The following NLRP2 variants were observed in gnomAD, a reference collection of about 807,000 sequenced individuals.
The protein encoded by NLRP2 is NACHT, LRR and PYD domains-containing protein 2.
In NLRP2, 107 loss-of-function variants were observed where a neutral mutation model predicts 97.2. The observed-to-expected ratio is 1.10, with a 90% CI of 0.94 to 1.29. The LOEUF is 1.29. Ranked by LOEUF, NLRP2 falls within the 50% of genes most tolerant of loss-of-function variation. The pLI is 0.00. For missense variants in NLRP2, 1,495 were observed against 1,330.3 expected, an observed-to-expected ratio of 1.12 and a Z score of -1.93; for synonymous variants, 663 against 551.5, an observed-to-expected ratio of 1.20 and a Z score of -2.83.
chr19:54,970,371 C>T, intron 2 of NLRP2, 76 bp downstream of exon 2: 1 of 1,559,430 alleles, frequency 6.4e-7, no homozygotes, highest in Non-Finnish European at 8.8e-7. Flanking sequence ...ATTCAGAAGG[C>T]CAGGCGCGCT....
rs61212213 is a variant in NLRP2 at position 54,968,701 on chromosome 19, C to CTTTTTTTTTTTTTTTTTTTTTTTTT, written c.-17-1286_-17-1285insTTTTTTTTTTTTTTTTTTTTTTTTT. The stretch of plus-strand genomic sequence containing the variant: ...CTCCACCACTAAGTTATCTTTAAGC[C>CTTTTTTTTTTTTTTTTTTTTTTTTT]TTTTTTTTTTTTGAGACAGTTTCAC... On this transcript the variant is annotated intron_variant, in intron 1 of 12. Transcript: ENST00000448584. 1.1e-4 allele frequency among the ~76,000 whole-genome samples: 13 copies of CTTTTTTTTTTTTTTTTTTTTTTTTT among 114,338 alleles called. 2 individuals carry two copies. The highest frequency in any genetic ancestry group is 4.5e-4 in the African/African-American group (12 of 26,786). 75.0% of individuals were successfully genotyped at this position (114,338 alleles called of 152,430 possible).
intron 10 of NLRP2, 69 bp downstream of exon 10, chr19:54,990,741 A>G: frequency 6.5e-7 from 1 of 1,535,318 alleles, no homozygotes; most frequent in South Asian, 1.1e-5. Flanking sequence ...GGGTTTGAGT[A>G]GGGTGGTTAT....
intron 5 of NLRP2, among the ~76,000 whole-genome samples, chr19:54,981,958 A>G (rs1281757732): frequency 2.0e-5 from 3 of 151,884 alleles, no homozygotes; most frequent in African/African-American, 4.8e-5. Flanking sequence ...TTTTATTTTT[A>G]GTAGAGACAA....
At chr19:54,970,773 T>C (rs181108141) in intron 2 of NLRP2, among the ~76,000 whole-genome samples, 4,225 of 146,468 alleles carry the variant, frequency 0.029, 210 homozygotes, top group African/African-American at 0.099. Flanking sequence ...CCTACTTCTT[T>C]TTTTTTTTTT....
At chr19:54,984,467 G>GATATGT (rs2071908438) in intron 6 of NLRP2, among the ~76,000 whole-genome samples, 1 of 101,660 alleles carries the variant, frequency 9.8e-6, no homozygotes. Context: ...GATATGTATA[G>GATATGT]ATATGTATAT....
At chr19:54,984,677 T>G (rs935095357) in intron 6 of NLRP2, among the ~76,000 whole-genome samples, 4 of 151,118 alleles carry the variant, frequency 2.6e-5, no homozygotes, top group African/African-American at 9.8e-5. Flanking sequence ...GAGACGGGGT[T>G]TCACCATGTT....
At position 54,983,046 on chromosome 19, in the gene NLRP2, C is replaced by G. The variant is rs766098415; in HGVS notation, c.1348C>G (p.Leu450Val). 8 of 1,611,364 alleles carry G rather than the reference C, an allele frequency of 5.0e-6. No homozygotes were observed. Among genetic ancestry groups the G allele is most frequent in the African/African-American group, 1.3e-5 (1 of 74,878 alleles). ...ACAGCTGCGGGGCGCGCTGCGGACG[C>G]TGAGCCTCCTGGCCGCGCAGGGCCT... Reference protein sequence around the residue: ...GAQLRGALRTLSLLAAQGLWA... With the variant: ...GAQLRGALRTVSLLAAQGLWA... The change falls in exon 6 of 13, where the codon CTG (leucine) becomes GTG (valine). Residue 450 changes from leucine to valine, a missense_variant. Coordinates refer to ENST00000448584, the MANE Select transcript of NLRP2 (RefSeq NM_017852.5).
chr19:54,966,355 C>A (rs149150614), upstream of NLRP2: 1 of 151,372 alleles, frequency 6.6e-6, no homozygotes, highest in Admixed American at 6.6e-5. Flanking sequence ...TGCTCAGCAA[C>A]GATTACGCCC....
chr19:54,991,657 T>G (rs1326964696), intron 10 of NLRP2: 1 of 151,636 alleles, frequency 6.6e-6, no homozygotes, highest in East Asian at 2.0e-4. Flanking sequence ...ACACCTGAGG[T>G]CAGGAGTTTG....
chr19:54,975,428 G>T (rs2071160731), intron 3 of NLRP2, among the ~76,000 whole-genome samples: 1 of 140,790 alleles, frequency 7.1e-6, no homozygotes, highest in Non-Finnish European at 1.5e-5. Context: ...GCCCTTACCA[G>T]CTACTTATAT....
At position 54,982,157 on chromosome 19, in the gene NLRP2, TAAAGAC is replaced by T; in HGVS notation, c.468_473del (p.Lys156_Asp157del). On this transcript the variant is annotated splice_acceptor_variant and splice_polypyrimidine_tract_variant and coding_sequence_variant and intron_variant, in exon 6 of 13. Transcript: ENST00000448584. LOFTEE classifies it high-confidence loss of function. ...CTCTCCCTTCCCTCCTCACCAATGA[TAAAGAC>T]AAAGACAATAGGTGCAGGTATATAT... 3.2e-5 allele frequency: 52 copies of T among 1,613,842 alleles called. No homozygotes were observed. Among genetic ancestry groups the T allele is most frequent in the South Asian group, 5.5e-5 (5 of 91,076 alleles).
chr19:54,965,876 G>GT (rs1568451754), upstream of NLRP2, among the ~76,000 whole-genome samples: 1 of 100,988 alleles, frequency 9.9e-6, no homozygotes, highest in Non-Finnish European at 2.0e-5. Context: ...AGATCGTGCC[G>GT]TTGCACTCCA....
intron 12 of NLRP2, 121 bp from the exon 13 acceptor site, chr19:55,000,639 G>A: frequency 2.1e-6 from 2 of 954,196 alleles, no homozygotes; most frequent in Middle Eastern, 2.2e-4. Context: ...TTGCCACCTA[G>A]AATAATCAGG....
chr19:54,976,229 A>C (rs1386418054), intron 3 of NLRP2, among the ~76,000 whole-genome samples: 2 of 150,630 alleles, frequency 1.3e-5, no homozygotes, highest in Admixed American at 1.3e-4. Context: ...TAATTTTTGT[A>C]ATTTTAGTAG....
chr19:54,994,935 T>G (rs765402507), intron 11 of NLRP2, among the ~76,000 whole-genome samples: 1 of 151,492 alleles, frequency 6.6e-6, no homozygotes, highest in Non-Finnish European at 1.5e-5. Context: ...GTCTGTGTCA[T>G]GCAAAGAACA....
intron 4 of NLRP2, 105 bp from the exon 5 acceptor site, chr19:54,981,512 C>CCCCCCCCCCCCCCCCCCCCCA: frequency 7.3e-6 from 2 of 273,620 alleles, no homozygotes; most frequent in Non-Finnish European, 1.6e-5. Flanking sequence ...ATCCCGTGCC[C>CCCCCCCCCCCCCCCCCCCCCA]CCCCTCCCCC....
intron 3 of NLRP2, among the ~76,000 whole-genome samples, chr19:54,976,415 A>G (rs895315897): frequency 2.7e-5 from 4 of 150,616 alleles, no homozygotes; most frequent in Non-Finnish European, 5.9e-5. Context: ...GCAGTGGTAC[A>G]ATCTCACTGC....
chr19:54,975,106 GTTTT>G (rs558518586), intron 3 of NLRP2, among the ~76,000 whole-genome samples: 96 of 58,690 alleles, frequency 1.6e-3, no homozygotes, highest in African/African-American at 3.3e-3. Flanking sequence ...ACCCGGTTTT[GTTTT>G]TTTTTTTTTT....
rs768358040 is a variant in NLRP2, at chr19:54,990,537, A to G, written c.2573A>G (p.Lys858Arg). 1.2e-6 allele frequency: 2 copies of G among 1,614,210 alleles called. No homozygotes were observed. The highest frequency in any genetic ancestry group is 1.7e-6 in the Non-Finnish European group (2 of 1,180,038). ...TGTCACCTTACAGAAGCCAATTGCAAGGACCTTGCTGCTGTGTTGGTTGTC... is the reference window on the plus strand; with the variant it reads ...TGTCACCTTACAGAAGCCAATTGCAGGGACCTTGCTGCTGTGTTGGTTGTC... The part of the protein sequence containing the change: ...ENCHLTEANC[K>R]DLAAVLVVSR... The change falls in exon 10 of 13, where the codon AAG becomes AGG. Residue 858 changes from lysine to arginine, a missense_variant. Coordinates refer to ENST00000448584, the MANE Select transcript of NLRP2 (RefSeq NM_017852.5).
Sources: allele counts gnomAD v4.1 joint callset (sites outside exome capture counted in the v4.1 genomes callset), GRCh38; gene constraint gnomAD v4.1.1; transcripts MANE v1.5; gene names NCBI Gene and HGNC (gene_info 2026-07-23, HGNC 2026-07-21).